Variants in A2ML1 observed in about 807,000 individuals in gnomAD.
A2ML1 encodes the protein alpha-2-macroglobulin like 1.
A neutral mutation model predicts 181.9 loss-of-function variants in A2ML1; 161 were observed. The observed-to-expected ratio is 0.89, with a 90% CI of 0.78 to 1.01. A2ML1 has a LOEUF of 1.01. Ranked by LOEUF, A2ML1 falls within the 50% of genes least tolerant of loss-of-function variation. A2ML1 has a pLI of 0.00. For missense variants in A2ML1, 1,670 were observed against 1,768.1 expected (o/e 0.94, Z 1.00); for synonymous variants, 663 against 666.8 (o/e 0.99, Z 0.09).
chr12:8,857,126 C>A, intron 23 of A2ML1, 38 bp from the exon 24 acceptor site: 1 of 1,593,296 alleles, frequency 6.3e-7, no homozygotes, highest in Non-Finnish European at 8.6e-7. Flanking sequence ...CCCTTCTTCT[C>A]TGTACCCCTA....
At chr12:8,883,931 G>A (rs1207004437) in intron 7 of A2ML1, among the ~76,000 whole-genome samples, 2 of 151,956 alleles carry the variant, frequency 1.3e-5, no homozygotes, top group East Asian at 1.9e-4. Flanking sequence ...GACTACAGGC[G>A]CCCGCCAACA....
Position 8,867,957 on chromosome 12 carries a change from T to C in A2ML1, c.3833T>C (p.Ile1278Thr). The C allele has an allele frequency of 1.2e-6, 2 of 1,614,244 alleles. No homozygotes were observed. The highest frequency in any genetic ancestry group is 1.7e-6 in the Non-Finnish European group (2 of 1,180,044). The change falls in exon 30 of 36, where the codon ATA becomes ACA. Residue 1278 changes from isoleucine (I) to threonine (T), a missense_variant. Transcript: ENST00000299698. The part of the protein sequence containing the change: ...STENFQRTFN[I>T]QSVNRLVFQQ... ...GAGAATTTCCAGCGCACATTCAACA[T>C]ACAGTCAGTTAACAGATTGGTATTT...
intron 31 of A2ML1, 30 bp downstream of exon 31, chr12:8,868,387 C>A: frequency 1.2e-6 from 2 of 1,608,728 alleles, no homozygotes; most frequent in Non-Finnish European, 1.7e-6. Flanking sequence ...TGGTGGCCGG[C>A]AGAGCACCTG....
At chr12:8,827,995 G>A (rs1288144789) in intron 3 of A2ML1, among the ~76,000 whole-genome samples, 1 of 152,190 alleles carries the variant, frequency 6.6e-6, no homozygotes, top group African/African-American at 2.4e-5. Context: ...TGCCTGGAGA[G>A]AGGGGTGACA....
chr12:8,879,718 G>T (rs1157604835), downstream of A2ML1, among the ~76,000 whole-genome samples: 1 of 152,136 alleles, frequency 6.6e-6, no homozygotes, highest in Non-Finnish European at 1.5e-5. Flanking sequence ...AGGATAAAAA[G>T]AATATTCTTA....
chr12:8,873,375 G>C (rs1033546798), intron 33 of A2ML1, among the ~76,000 whole-genome samples: 1 of 151,860 alleles, frequency 6.6e-6, no homozygotes, highest in Admixed American at 6.6e-5. Context: ...AAGTAGCTAG[G>C]ATTTATTTTT....
rs1183081442 is a variant in A2ML1 at position 8,852,782 on chromosome 12, C to T, written c.2590+446C>T. ...TGCAATCTGTGCTTACTGCAACCTC[C>T]ACCTCCTGGGTTCAAGTGATTCTCC... On this transcript the variant is annotated intron_variant, in intron 20 of 35. Coordinates refer to ENST00000299698, the MANE Select transcript of A2ML1 (RefSeq NM_144670.6). The surrounding 1 kb of genome is among the most constrained non-coding windows in gnomAD (Gnocchi z 4.2). Among the ~76,000 whole-genome samples, 1 of 152,100 alleles carries T rather than the reference C, an allele frequency of 6.6e-6. No homozygotes were observed. The highest frequency in any genetic ancestry group is 2.4e-5 in the African/African-American group (1 of 41,424).
intron 16 of A2ML1, 61 bp from the exon 17 acceptor site, chr12:8,849,608 C>A (rs1943817819): frequency 7.6e-7 from 1 of 1,312,974 alleles, no homozygotes; most frequent in South Asian, 1.2e-5. Flanking sequence ...AATTCCTGGG[C>A]AGTAGCCCTT....
intron 33 of A2ML1, among the ~76,000 whole-genome samples, chr12:8,870,796 GA>G (rs1416302795): frequency 3.3e-5 from 5 of 152,222 alleles, no homozygotes; most frequent in Non-Finnish European, 5.9e-5. Flanking sequence ...AGAACCTGGG[GA>G]GTCTGATTTC....
At position 8,851,984 on chromosome 12, in the gene A2ML1, T is replaced by C; in HGVS notation, c.2435T>C (p.Ile812Thr). Residue 812 changes from isoleucine to threonine, a missense_variant, in exon 19 of 36, where the codon ATC (isoleucine) becomes ACC (threonine). Physicochemically the swap from Ile to Thr is moderately conservative, Grantham distance 89. Coordinates refer to ENST00000299698, the MANE Select transcript of A2ML1 (RefSeq NM_144670.6). Reference sequence around the variant, plus strand: ...GAATCCTTTCGTCTTACTGCCACCATCTTCAATTACCTAAAGGATTGCATC... The same window carrying C: ...GAATCCTTTCGTCTTACTGCCACCACCTTCAATTACCTAAAGGATTGCATC... ...RGESFRLTAT[I>T]FNYLKDCIRV... 1 of 1,614,168 alleles carries C rather than the reference T, an allele frequency of 6.2e-7. No individual in the cohort carries two copies. Among genetic ancestry groups the C allele is most frequent in the Non-Finnish European group, 8.5e-7 (1 of 1,180,038 alleles).
In A2ML1 at chr12:8,846,162, C is replaced by T. The variant is rs1416296274; in HGVS notation, c.1623C>T (p.Pro541=). 1.2e-6 allele frequency: 2 copies of T among 1,613,992 alleles called. No homozygotes were observed. Among genetic ancestry groups the T allele is most frequent in the African/African-American group, 2.7e-5 (2 of 74,894 alleles). ...DPSLVIYAIF[P]SGGVVADKIQ... ...CCCTGGTGATCTATGCCATTTTTCC[C>T]AGTGGAGGTGTTGTAGCTGACAAAA... Residue 541 remains proline, a synonymous_variant, in exon 14 of 36, where the codon CCC becomes CCT. Transcript: ENST00000299698.
intron 23 of A2ML1, 59 bp downstream of exon 23, chr12:8,855,651 G>A (rs1944040066): frequency 1.3e-6 from 2 of 1,543,726 alleles, no homozygotes; most frequent in South Asian, 2.2e-5. Flanking sequence ...CTGCAAAGGT[G>A]TGGAGTGGGG....
chr12:8,856,097 T>G (rs1453724918), intron 23 of A2ML1, among the ~76,000 whole-genome samples: 1 of 152,202 alleles, frequency 6.6e-6, no homozygotes, highest in Admixed American at 6.5e-5. Flanking sequence ...TTTCCTCTTC[T>G]GTAAAACAGT....
At chr12:8,879,074 T>C (rs1944842646), downstream of A2ML1, among the ~76,000 whole-genome samples, 1 of 152,204 alleles carries the variant, frequency 6.6e-6, no homozygotes, top group Non-Finnish European at 1.5e-5. Flanking sequence ...TCCATCCTTG[T>C]GTCTGTCCTG....
intron 11 of A2ML1, among the ~76,000 whole-genome samples, chr12:8,842,438 C>A (rs1426266300): frequency 6.6e-6 from 1 of 152,064 alleles, no homozygotes; most frequent in Non-Finnish European, 1.5e-5. Context: ...CCAGGATGGT[C>A]TCGATCTCCT....
chr12:8,858,713 G>A (rs1944157563), intron 26 of A2ML1, among the ~76,000 whole-genome samples: 1 of 152,152 alleles, frequency 6.6e-6, no homozygotes, highest in Non-Finnish European at 1.5e-5. Context: ...CCTACTGAAT[G>A]AGAAACTCTG....
At position 8,867,989 on chromosome 12, in the gene A2ML1, G is replaced by C. The variant is rs760705883; in HGVS notation, c.3865G>C (p.Asp1289His). The C allele has an allele frequency of 4.3e-6, 7 of 1,614,212 alleles. No homozygotes were observed. In the African/African-American group the frequency reaches 6.7e-5, roughly 15 times the overall value. ...QSVNRLVFQQ[D>H]TLPNVPGMYT... is the part of the protein sequence containing the mutation. ...AGTTAACAGATTGGTATTTCAGCAGGATACCCTGCCCAATGTCCCTGGAAT... is the reference window on the plus strand; with the variant it reads ...AGTTAACAGATTGGTATTTCAGCAGCATACCCTGCCCAATGTCCCTGGAAT... The change falls in exon 30 of 36, where the codon GAT becomes CAT. Residue 1289 changes from aspartate (D) to histidine (H), a missense_variant. Physicochemically the swap from Asp to His is moderately conservative, Grantham distance 81. Coordinates refer to ENST00000299698, the MANE Select transcript of A2ML1 (RefSeq NM_144670.6).
At chr12:8,873,266 G>GTC (rs1018578277) in intron 33 of A2ML1, among the ~76,000 whole-genome samples, 1 of 150,682 alleles carries the variant, frequency 6.6e-6, no homozygotes, top group Non-Finnish European at 1.5e-5. Flanking sequence ...TTGAGACAGG[G>GTC]TCTCACTCTG....
intron 33 of A2ML1, among the ~76,000 whole-genome samples, chr12:8,870,958 C>T (rs773665239): frequency 6.6e-6 from 1 of 152,260 alleles, no homozygotes; most frequent in South Asian, 2.1e-4. Context: ...TTCTGTGTGT[C>T]TTCTCCCTTG....
Sources: allele counts gnomAD v4.1 joint callset (sites outside exome capture counted in the v4.1 genomes callset), GRCh38; gene constraint gnomAD v4.1.1; non-coding constraint Gnocchi (gnomAD v3.1); transcripts MANE v1.5; gene names NCBI Gene and HGNC (gene_info 2026-07-23, HGNC 2026-07-21).